The following VWA3B variants were observed in gnomAD, a reference collection of about 807,000 sequenced individuals.
VWA3B encodes the protein von Willebrand factor A domain-containing protein 3B.
VWA3B carries 138 observed loss-of-function variants against 158.3 expected under a neutral mutation model. The observed-to-expected ratio is 0.87, with a 90% CI of 0.76 to 1.00. The LOEUF (loss-of-function observed/expected upper bound fraction) is 1.00. Among genes scored for constraint, VWA3B ranks in the 50% least tolerant of loss-of-function variants. VWA3B has a pLI of 0.00. For synonymous variants in VWA3B, 596 were observed against 587.3 expected, an observed-to-expected ratio of 1.01 and a Z score of -0.21; for missense variants, 1,555 against 1,565.1, an observed-to-expected ratio of 0.99 and a Z score of 0.11.
At chr2:98,186,756 C>A (rs1207420673) in intron 9 of VWA3B, among the ~76,000 whole-genome samples, 4 of 152,020 alleles carry the variant, frequency 2.6e-5, no homozygotes, top group South Asian at 4.2e-4. Context: ...TTGCTTCTGC[C>A]CTTGGTCCTC....
Position 98,256,165 on chromosome 2 carries a change from A to G in VWA3B, c.2834A>G (p.Glu945Gly). The change falls in exon 21 of 28, where the codon GAA becomes GGA. Residue 945 changes from glutamate to glycine, a missense_variant. Physicochemically the swap from Glu to Gly is moderately conservative, Grantham distance 98. Transcript: ENST00000477737. ...GTTTGGCGAGCATTATCTCAAGAGGAAAAAGAAAAGTAAGCCATTCCATTC... is the reference window on the plus strand; with the variant it reads ...GTTTGGCGAGCATTATCTCAAGAGGGAAAAGAAAAGTAAGCCATTCCATTC... ...KIVWRALSQEEKEKLDANKPI... is the reference protein window; with the variant it reads ...KIVWRALSQEGKEKLDANKPI... The G allele has an allele frequency of 6.2e-7, 1 of 1,611,692 alleles. No homozygotes were observed. Among genetic ancestry groups the G allele is most frequent in the Non-Finnish European group, 8.5e-7 (1 of 1,179,518 alleles).
At position 98,312,050 on chromosome 2, in the gene VWA3B, G is replaced by T; in HGVS notation, c.3735+18G>T. The T allele has an allele frequency of 1.3e-6, 2 of 1,592,036 alleles. No homozygotes were observed. Among genetic ancestry groups the T allele is most frequent in the Non-Finnish European group, 1.7e-6 (2 of 1,168,838 alleles). On this transcript the variant is annotated intron_variant, in intron 27 of 27. Coordinates refer to ENST00000477737, the MANE Select transcript of VWA3B (RefSeq NM_144992.5). ...AGCCCAGGGTTTGGGTGATGGGGGGGGAACACAACATCGCTTATCTCAGGA... is the reference window on the plus strand; with the variant it reads ...AGCCCAGGGTTTGGGTGATGGGGGGTGAACACAACATCGCTTATCTCAGGA...
intron 5 of VWA3B, among the ~76,000 whole-genome samples, chr2:98,124,088 C>T (rs1675176585): frequency 6.6e-6 from 1 of 152,230 alleles, no homozygotes; most frequent in African/African-American, 2.4e-5. Context: ...CACTGCTGGA[C>T]TGAAAGCCGA....
At position 98,119,519 on chromosome 2, in the gene VWA3B, GCTAAATCAGAA is replaced by G. The variant is rs752875359; in HGVS notation, c.301_311del (p.Lys101AspfsTer53). 5.0e-6 allele frequency: 8 copies of G among 1,613,416 alleles called. No individual in the cohort carries two copies. Among genetic ancestry groups the G allele is most frequent in the Non-Finnish European group, 6.8e-6 (8 of 1,179,864 alleles). ...GTCTTTTATTTTCATTAAGCTGACAGCTAAATCAGAACTGATTTATCAGTTTGTGGAACATT... is the reference window on the plus strand; with the variant it reads ...GTCTTTTATTTTCATTAAGCTGACAGCTGATTTATCAGTTTGTGGAACATT... On this transcript the variant is annotated frameshift_variant, in exon 4 of 28. Transcript: ENST00000477737. LOFTEE classifies it high-confidence loss of function.
chr2:98,161,943 T>A (rs940460530), intron 7 of VWA3B, among the ~76,000 whole-genome samples: 3 of 152,254 alleles, frequency 2.0e-5, no homozygotes, highest in African/African-American at 7.2e-5. Context: ...CTGACCTCCA[T>A]TGATCTGCCC....
At chr2:98,284,127 C>T (rs766857496) in intron 22 of VWA3B, among the ~76,000 whole-genome samples, 7 of 152,148 alleles carry the variant, frequency 4.6e-5, no homozygotes, top group Non-Finnish European at 1.0e-4. Context: ...ATGTGAGCAT[C>T]GTAAACAAAA....
At chr2:98,317,419 G>A (rs571284401), downstream of VWA3B, among the ~76,000 whole-genome samples, 1 of 152,326 alleles carries the variant, frequency 6.6e-6, no homozygotes, top group Non-Finnish European at 1.5e-5. Flanking sequence ...CTGAGGGGAA[G>A]TGGGGGTCGG....
chr2:98,312,351 G>A lies in VWA3B; in HGVS notation c.*2G>A. ...AGGAGCGTCCCTGAGACACTTTAAG[G>A]CCGTCTGGTGGCAGCTATGTTTAAG... On this transcript the variant is annotated 3_prime_UTR_variant, in exon 28 of 28. Coordinates refer to ENST00000477737, the MANE Select transcript of VWA3B (RefSeq NM_144992.5). 6.2e-7 allele frequency: 1 copy of A among 1,604,792 alleles called. No homozygotes were observed. The highest frequency in any genetic ancestry group is 1.3e-5 in the African/African-American group (1 of 74,824).
chr2:98,092,525 C>T (rs1053007448), intron 1 of VWA3B, among the ~76,000 whole-genome samples: 1 of 151,988 alleles, frequency 6.6e-6, no homozygotes, highest in Non-Finnish European at 1.5e-5. Context: ...CGCCTGTAAT[C>T]CCAGCTACTC....
chr2:98,249,620 G>C (rs576440183), intron 19 of VWA3B, among the ~76,000 whole-genome samples: 6 of 152,054 alleles, frequency 3.9e-5, no homozygotes, highest in Non-Finnish European at 8.8e-5. Context: ...TTTTCCCCCC[G>C]GAGCTGCTTG....
chr2:98,299,873 G>C (rs986626062), intron 24 of VWA3B, among the ~76,000 whole-genome samples: 7 of 152,182 alleles, frequency 4.6e-5, no homozygotes, highest in African/African-American at 1.7e-4. Flanking sequence ...CCAAAATGGG[G>C]CTTCCCAAAC....
chr2:98,162,996 A>G lies in VWA3B; in HGVS notation c.1114+20A>G. 6.2e-7 allele frequency: 1 copy of G among 1,613,450 alleles called. No homozygotes were observed. Among genetic ancestry groups the G allele is most frequent in the Non-Finnish European group, 8.5e-7 (1 of 1,179,650 alleles). On this transcript the variant is annotated intron_variant, in intron 8 of 27. Coordinates refer to ENST00000477737, the MANE Select transcript of VWA3B (RefSeq NM_144992.5). ...ACTGCGGTTGGTGCTATTTCTGGTCACTGGTGTAAAAGATTCATAAATGTT... is the reference window on the plus strand; with the variant it reads ...ACTGCGGTTGGTGCTATTTCTGGTCGCTGGTGTAAAAGATTCATAAATGTT...
intron 9 of VWA3B, among the ~76,000 whole-genome samples, chr2:98,186,634 G>A (rs904398575): frequency 3.3e-5 from 5 of 151,804 alleles, no homozygotes; most frequent in Non-Finnish European, 5.9e-5. Flanking sequence ...CTGATCTCTC[G>A]GTGAACGCTG....
the VWA3B span, among the ~76,000 whole-genome samples, chr2:98,318,418 C>T: frequency 6.6e-6 from 1 of 152,142 alleles, no homozygotes; most frequent in Non-Finnish European, 1.5e-5. Flanking sequence ...ATGTCCTTTA[C>T]AGGGACATAG....
intron 22 of VWA3B, among the ~76,000 whole-genome samples, chr2:98,282,587 G>A (rs1688949210): frequency 6.6e-6 from 1 of 151,776 alleles, no homozygotes; most frequent in South Asian, 2.1e-4. Context: ...CAGGCGCACG[G>A]CACCACACCC....
chr2:98,236,258 A>G, intron 17 of VWA3B, 132 bp from the exon 18 acceptor site: 1 of 999,470 alleles, frequency 1.0e-6, no homozygotes, highest in South Asian at 1.5e-5. Flanking sequence ...ACAAATCAGG[A>G]TATGTTCTCT....
intron 6 of VWA3B, among the ~76,000 whole-genome samples, chr2:98,131,568 A>G (rs1465384104): frequency 1.3e-5 from 2 of 152,172 alleles, no homozygotes; most frequent in Non-Finnish European, 2.9e-5. Context: ...TCCCACCAAC[A>G]ATTTATAAGA....
At chr2:98,148,585 C>T (rs1295226478) in intron 7 of VWA3B, among the ~76,000 whole-genome samples, 1 of 152,080 alleles carries the variant, frequency 6.6e-6, no homozygotes, top group African/African-American at 2.4e-5. Flanking sequence ...ATTTCTTCTC[C>T]TTTTGGTTCT....
At chr2:98,171,771 T>C (rs1679607640) in intron 8 of VWA3B, among the ~76,000 whole-genome samples, 1 of 152,074 alleles carries the variant, frequency 6.6e-6, no homozygotes, top group Non-Finnish European at 1.5e-5. Context: ...AAGATGTTAG[T>C]ACAGTGATGG....
Sources: allele counts gnomAD v4.1 joint callset (sites outside exome capture counted in the v4.1 genomes callset), GRCh38; gene constraint gnomAD v4.1.1; transcripts MANE v1.5; gene names NCBI Gene and HGNC (gene_info 2026-07-23, HGNC 2026-07-21).